The following SH3D19 variants were observed in gnomAD, a reference collection of about 807,000 sequenced individuals.
The protein encoded by SH3D19 is SH3 domain containing 19, also known as SH3 domain-containing protein 19.
In SH3D19, 58 loss-of-function variants were observed where a neutral mutation model predicts 112.1. The observed-to-expected ratio is 0.52, with a 90% CI of 0.42 to 0.64. The LOEUF (loss-of-function observed/expected upper bound fraction) is 0.64. SH3D19 is among the 30% of genes least tolerant of loss of function. SH3D19 has a pLI of 0.00. For missense variants in SH3D19, 1,090 were observed against 1,263.4 expected (o/e 0.86, Z 2.08); for synonymous variants, 391 against 448.5 (o/e 0.87, Z 1.62).
chr4:151,191,197 G>A (rs977743818), intron 2 of SH3D19, among the ~76,000 whole-genome samples: 3 of 152,148 alleles, frequency 2.0e-5, no homozygotes, highest in East Asian at 1.9e-4. Flanking sequence ...ATTGTATCTA[G>A]GAAGTAACTA....
chr4:151,301,811 A>C, intron 1 of SH3D19, among the ~76,000 whole-genome samples: 1 of 152,242 alleles, frequency 6.6e-6, no homozygotes, highest in Non-Finnish European at 1.5e-5. Flanking sequence ...GGAAACCCAA[A>C]GGCACATTAC....
intron 1 of SH3D19, among the ~76,000 whole-genome samples, chr4:151,256,826 T>G (rs868748032): frequency 1.3e-4 from 20 of 151,692 alleles, no homozygotes; most frequent in Non-Finnish European, 2.5e-4. Flanking sequence ...CTGCAACCTC[T>G]ACCTCCTGGG....
At chr4:151,322,546 T>A (rs901976077) in intron 1 of SH3D19, among the ~76,000 whole-genome samples, 1 of 146,392 alleles carries the variant, frequency 6.8e-6, no homozygotes, top group African/African-American at 2.6e-5. Flanking sequence ...TATTTTAGAA[T>A]CATGCTGAAG....
At chr4:151,210,159 G>A (rs540803279) in intron 2 of SH3D19, among the ~76,000 whole-genome samples, 1 of 152,040 alleles carries the variant, frequency 6.6e-6, no homozygotes, top group East Asian at 1.9e-4. Flanking sequence ...TATATTTTTT[G>A]TTCCATTAAT....
At chr4:151,164,854 C>T (rs922103007) in intron 8 of SH3D19, among the ~76,000 whole-genome samples, 3 of 151,984 alleles carry the variant, frequency 2.0e-5, no homozygotes, top group African/African-American at 2.4e-5. Context: ...CTGGGATTAC[C>T]GGCATCAACC....
intron 2 of SH3D19, among the ~76,000 whole-genome samples, chr4:151,215,323 T>C (rs1766894574): frequency 6.6e-6 from 1 of 152,218 alleles, no homozygotes; most frequent in Admixed American, 6.5e-5. Flanking sequence ...GGGCAATAGA[T>C]AGTGATACAC....
chr4:151,209,446 T>C (rs1473283678), intron 2 of SH3D19, among the ~76,000 whole-genome samples: 7 of 152,168 alleles, frequency 4.6e-5, no homozygotes, highest in African/African-American at 1.7e-4. Flanking sequence ...GCCCAGCTAA[T>C]TTTTTGTGTT....
At chr4:151,207,865 A>C (rs564246789) in intron 2 of SH3D19, among the ~76,000 whole-genome samples, 1 of 152,346 alleles carries the variant, frequency 6.6e-6, no homozygotes, top group South Asian at 2.1e-4. Context: ...CAAAACTAAC[A>C]AACATCAAAC....
chr4:151,222,373 C>T (rs2407407), intron 2 of SH3D19, among the ~76,000 whole-genome samples: 111,389 of 152,032 alleles, frequency 0.73, 43,942 homozygotes, highest in Non-Finnish European at 0.89. Flanking sequence ...TTCTTTATTG[C>T]TCATCCTGGG....
intron 1 of SH3D19, among the ~76,000 whole-genome samples, chr4:151,245,270 TAA>T (rs1343638051): frequency 6.6e-6 from 1 of 152,180 alleles, no homozygotes; most frequent in East Asian, 1.9e-4. Context: ...AAGTCTTAAT[TAA>T]GTAGTGTAAC....
chr4:151,221,532 G>A (rs572585262), intron 2 of SH3D19, among the ~76,000 whole-genome samples: 50 of 152,322 alleles, frequency 3.3e-4, no homozygotes, highest in African/African-American at 1.2e-3. Context: ...ACTCCTTGCT[G>A]TTGTAACACA....
At chr4:151,279,776 C>A (rs754991101) in intron 1 of SH3D19, 1 of 1,611,926 alleles carries the variant, frequency 6.2e-7, no homozygotes, top group African/African-American at 1.3e-5. Context: ...TCCACATTTC[C>A]CTTTCTTCTC....
Position 151,176,617 on chromosome 4 carries a change from T to C in SH3D19, c.446A>G (p.Asn149Ser). ...QVQVNTTNNN[N>S]AAATPRHTIT... is the part of the protein sequence containing the mutation. Reference sequence around the variant, plus strand: ...AGTGTGCCTTGGAGTAGCAGCAGCATTATTATTATTTGTAGTATTAACTTG... The same window carrying C: ...AGTGTGCCTTGGAGTAGCAGCAGCACTATTATTATTTGTAGTATTAACTTG... The change falls in exon 6 of 20, where the codon AAT becomes AGT. Residue 149 changes from asparagine to serine, a missense_variant. Asn to Ser is a conservative substitution (Grantham distance 46). Coordinates refer to ENST00000604030, the MANE Select transcript of SH3D19 (RefSeq NM_001378122.1). 3 of 1,231,188 alleles carry C rather than the reference T, an allele frequency of 2.4e-6. No homozygotes were observed. Among genetic ancestry groups the C allele is most frequent in the East Asian group, 3.2e-5 (1 of 31,696 alleles). 76.3% of individuals were successfully genotyped at this position (1,231,188 alleles called of 1,614,324 possible).
At chr4:151,188,301 T>C (rs1437832755) in intron 2 of SH3D19, among the ~76,000 whole-genome samples, 3 of 152,196 alleles carry the variant, frequency 2.0e-5, no homozygotes, top group African/African-American at 2.4e-5. Flanking sequence ...ATACAACTGT[T>C]TACAGTAATA....
At chr4:151,248,096 G>A (rs1580321691) in intron 1 of SH3D19, among the ~76,000 whole-genome samples, 1 of 150,420 alleles carries the variant, frequency 6.6e-6, no homozygotes, top group East Asian at 2.0e-4. Context: ...AAACTGTAAG[G>A]TATTTTTTAA....
At chr4:151,234,588 TATAAA>T (rs1002312322) in intron 1 of SH3D19, among the ~76,000 whole-genome samples, 1 of 152,088 alleles carries the variant, frequency 6.6e-6, no homozygotes, top group Non-Finnish European at 1.5e-5. Flanking sequence ...CTCTTTTTGT[TATAAA>T]ATATTTTTCA....
intron 19 of SH3D19, among the ~76,000 whole-genome samples, chr4:151,126,116 G>C (rs918357782): frequency 6.6e-6 from 1 of 152,084 alleles, no homozygotes; most frequent in Non-Finnish European, 1.5e-5. Flanking sequence ...TTGAGATGGG[G>C]TCTTGCCATG....
chr4:151,165,584 C>A lies in SH3D19; in HGVS notation c.1642+5G>T. The A allele has an allele frequency of 6.2e-7, 1 of 1,609,254 alleles. No individual in the cohort carries two copies. The highest frequency in any genetic ancestry group is 1.3e-5 in the African/African-American group (1 of 74,952). ...AGCTAATAAAGAAAGCAGAGAAGTG[C>A]TTACATTTTCCTGGTTTGGCTGGAA... On this transcript the variant is annotated splice_donor_5th_base_variant and intron_variant, in intron 8 of 19. Transcript: ENST00000604030.
chr4:151,272,368 G>A (rs1459642008), intron 1 of SH3D19, among the ~76,000 whole-genome samples: 1 of 152,206 alleles, frequency 6.6e-6, no homozygotes, highest in African/African-American at 2.4e-5. Flanking sequence ...TAGCACTGTG[G>A]GCTGAAAACC....
Sources: gnomAD v4.1 joint callset for allele counts (sites outside exome capture counted in the v4.1 genomes callset) on GRCh38, gnomAD v4.1.1 for gene constraint, MANE v1.5 for transcripts, NCBI Gene and HGNC (gene_info 2026-07-23, HGNC 2026-07-21) for gene names.